Variants in LRMDA observed in about 807,000 individuals in gnomAD.
LRMDA encodes leucine-rich melanocyte differentiation-associated protein.
A neutral mutation model predicts 29.8 loss-of-function variants in LRMDA; 18 were observed. That is an observed-to-expected ratio of 0.60 (90% CI 0.42 to 0.90). The LOEUF (loss-of-function observed/expected upper bound fraction) is 0.90, where lower values mean the gene tolerates loss of function less well. Ranked by LOEUF, LRMDA falls within the 40% of genes least tolerant of loss-of-function variation. The pLI is 0.00. For synonymous variants in LRMDA, 125 were observed against 109.4 expected (o/e 1.14, Z -0.89); for missense variants, 273 against 273.9 (o/e 1.00, Z 0.02).
chr10:75,760,001 C>T (rs75260022), intron 2 of LRMDA, among the ~76,000 whole-genome samples: 7,702 of 152,164 alleles, frequency 0.051, 265 homozygotes, highest in Non-Finnish European at 0.078. Context: ...AATTATGTAT[C>T]CATGTTTATA....
intron 2 of LRMDA, among the ~76,000 whole-genome samples, chr10:75,781,975 C>A (rs1843391306): frequency 6.6e-6 from 1 of 152,226 alleles, no homozygotes; most frequent in Admixed American, 6.5e-5. Flanking sequence ...TCTTGGCTAT[C>A]TCCTGCCTCT....
intron 6 of LRMDA, among the ~76,000 whole-genome samples, chr10:76,472,564 A>G (rs1252985864): frequency 4.6e-5 from 7 of 151,714 alleles, no homozygotes; most frequent in Non-Finnish European, 8.9e-5. Context: ...GAAGTTAATG[A>G]AATAAAGAAT....
intron 2 of LRMDA, among the ~76,000 whole-genome samples, chr10:75,702,174 C>T (rs1431951701): frequency 1.3e-5 from 2 of 152,154 alleles, no homozygotes; most frequent in Non-Finnish European, 2.9e-5. Flanking sequence ...GATGTGCTCC[C>T]AGAGCATCTT....
At chr10:75,645,124 A>G (rs1001330804) in intron 2 of LRMDA, among the ~76,000 whole-genome samples, 1 of 151,934 alleles carries the variant, frequency 6.6e-6, no homozygotes, top group African/African-American at 2.4e-5. Flanking sequence ...CTGGGACTAC[A>G]GATGTGCACC....
chr10:76,237,558 C>T (rs2132279764), intron 5 of LRMDA, among the ~76,000 whole-genome samples: 1 of 152,246 alleles, frequency 6.6e-6, no homozygotes, highest in Admixed American at 6.5e-5. Flanking sequence ...GTGGCTTTTG[C>T]TGACATGCTC....
intron 2 of LRMDA, among the ~76,000 whole-genome samples, chr10:75,964,766 G>A (rs186118515): frequency 6.6e-6 from 1 of 152,226 alleles, no homozygotes; most frequent in Admixed American, 6.5e-5. Context: ...TTGTTTGTTT[G>A]TTTTTGTTGT....
chr10:75,664,973 A>G (rs1841802857), intron 2 of LRMDA, among the ~76,000 whole-genome samples: 1 of 152,198 alleles, frequency 6.6e-6, no homozygotes, highest in South Asian at 2.1e-4. Context: ...CAATCTCCAG[A>G]TGTGGAAATT....
At chr10:75,901,115 G>A (rs756453526) in intron 2 of LRMDA, among the ~76,000 whole-genome samples, 1 of 152,188 alleles carries the variant, frequency 6.6e-6, no homozygotes, top group Admixed American at 6.5e-5. Flanking sequence ...AGAGGAGGAG[G>A]AGAGGAGGAA....
At chr10:76,386,724 A>C (rs1356421897) in intron 6 of LRMDA, among the ~76,000 whole-genome samples, 1 of 152,218 alleles carries the variant, frequency 6.6e-6, no homozygotes, top group African/African-American at 2.4e-5. Context: ...GACAGATTTT[A>C]TAACATAAAA....
At chr10:76,548,374 A>G (rs375075234) in intron 6 of LRMDA, among the ~76,000 whole-genome samples, 10 of 152,118 alleles carry the variant, frequency 6.6e-5, no homozygotes, top group Admixed American at 2.6e-4. Flanking sequence ...GAGAATCCTT[A>G]TAGGACAGTA....
chr10:75,729,656 G>T (rs1842671330), intron 2 of LRMDA, among the ~76,000 whole-genome samples: 1 of 152,212 alleles, frequency 6.6e-6, no homozygotes, highest in Admixed American at 6.5e-5. Context: ...ATACTAAGGT[G>T]AGGGAGTTTA....
In LRMDA at chr10:75,622,589, A is replaced by G. The variant is rs537299993; in HGVS notation, c.131+184095A>G. Among the ~76,000 whole-genome samples the G allele has an allele frequency of 2.0e-5, 3 of 152,322 alleles. No individual in the cohort carries two copies. In the South Asian group the frequency reaches 6.2e-4, roughly 32 times the overall value. Reference sequence around the variant, plus strand: ...CACTGCATTGACCACTGAAACTAATAAAGATATATAGTGCTGGGCTGGCTT... The same window carrying G: ...CACTGCATTGACCACTGAAACTAATGAAGATATATAGTGCTGGGCTGGCTT... On this transcript the variant is annotated intron_variant, in intron 2 of 6. Transcript: ENST00000611255.
chr10:76,165,801 T>C (rs868105399), intron 5 of LRMDA, among the ~76,000 whole-genome samples: 3 of 152,102 alleles, frequency 2.0e-5, no homozygotes, highest in African/African-American at 7.2e-5. Context: ...AATTATCTCT[T>C]ACCAAGTCCC....
intron 5 of LRMDA, among the ~76,000 whole-genome samples, chr10:76,070,696 TAAATG>T (rs902409152): frequency 4.6e-5 from 7 of 152,284 alleles, no homozygotes; most frequent in African/African-American, 1.7e-4. Flanking sequence ...AATTTATCCT[TAAATG>T]AAATACTTCT....
chr10:75,645,436 T>C (rs997528358), intron 2 of LRMDA, among the ~76,000 whole-genome samples: 3 of 151,006 alleles, frequency 2.0e-5, no homozygotes, highest in African/African-American at 4.9e-5. Context: ...ACCTTGTGGG[T>C]GGTAGAAGAG....
intron 5 of LRMDA, among the ~76,000 whole-genome samples, chr10:76,306,203 T>C (rs1840553532): frequency 6.6e-6 from 1 of 152,230 alleles, no homozygotes; most frequent in Non-Finnish European, 1.5e-5. Flanking sequence ...TACTTTTGCA[T>C]ACTGCAGCCC....
intron 2 of LRMDA, among the ~76,000 whole-genome samples, chr10:75,521,189 G>T (rs1291774127): frequency 6.6e-6 from 1 of 152,220 alleles, no homozygotes. Flanking sequence ...GAGGCATTCT[G>T]TCCATTCTCA....
chr10:76,341,621 G>A (rs1256694407), intron 6 of LRMDA, among the ~76,000 whole-genome samples: 1 of 152,148 alleles, frequency 6.6e-6, no homozygotes, highest in Non-Finnish European at 1.5e-5. Context: ...AAGGATAGTA[G>A]GAATGGCTTA....
chr10:76,171,230 G>C (rs1850830378), intron 5 of LRMDA, among the ~76,000 whole-genome samples: 1 of 152,184 alleles, frequency 6.6e-6, no homozygotes, highest in Non-Finnish European at 1.5e-5. Context: ...CTGCCTCCTG[G>C]GTTCAAGCAA....
Sources: gnomAD v4.1 joint callset for allele counts (sites outside exome capture counted in the v4.1 genomes callset) on GRCh38, gnomAD v4.1.1 for gene constraint, MANE v1.5 for transcripts, NCBI Gene and HGNC (gene_info 2026-07-23, HGNC 2026-07-21) for gene names.